The following PLEKHA5 variants were observed in gnomAD, a reference collection of about 807,000 sequenced individuals.
PLEKHA5 encodes the protein pleckstrin homology domain-containing family A member 5.
In PLEKHA5, 55 loss-of-function variants were observed where a neutral mutation model predicts 181.9. That is an observed-to-expected ratio of 0.30 (90% CI 0.24 to 0.38). PLEKHA5 has a LOEUF of 0.38. Ranked by LOEUF, PLEKHA5 falls within the 10% of genes least tolerant of loss-of-function variation. The pLI, the probability that PLEKHA5 is intolerant of heterozygous loss-of-function variation, is 1.00. For synonymous variants in PLEKHA5, 535 were observed against 529.4 expected (o/e 1.01, Z -0.15); for missense variants, 1,432 against 1,549.5 (o/e 0.92, Z 1.27).
chr12:19,225,867 A>G (rs892132177), intron 3 of PLEKHA5, among the ~76,000 whole-genome samples: 2 of 152,206 alleles, frequency 1.3e-5, no homozygotes, highest in African/African-American at 4.8e-5. Context: ...TCATCCCAGG[A>G]TATATTCAGT....
At chr12:19,208,566 A>G (rs1276960232) in intron 3 of PLEKHA5, among the ~76,000 whole-genome samples, 1 of 152,182 alleles carries the variant, frequency 6.6e-6, no homozygotes, top group Admixed American at 6.5e-5. Context: ...TGAAAAATTG[A>G]TAGTTGGATT....
At chr12:19,305,938 G>A (rs1278674699) in intron 15 of PLEKHA5, among the ~76,000 whole-genome samples, 2 of 150,918 alleles carry the variant, frequency 1.3e-5, no homozygotes, top group Non-Finnish European at 2.9e-5. Context: ...AAATTGGCTG[G>A]ACTTGGTGGC....
At chr12:19,335,560 C>T (rs1388618387) in intron 20 of PLEKHA5, among the ~76,000 whole-genome samples, 3 of 149,554 alleles carry the variant, frequency 2.0e-5, no homozygotes, top group South Asian at 2.1e-4. Flanking sequence ...GGATTACAGG[C>T]GCCTGCCACT....
chr12:19,315,276 G>A (rs1382296413), intron 16 of PLEKHA5, among the ~76,000 whole-genome samples: 1 of 151,992 alleles, frequency 6.6e-6, no homozygotes, highest in East Asian at 1.9e-4. Context: ...TACTTTCAGG[G>A]GTTGCCCTCC....
At chr12:19,359,323 G>T in intron 27 of PLEKHA5, 89 bp from the exon 28 acceptor site, 2 of 1,178,136 alleles carry the variant, frequency 1.7e-6, no homozygotes. Flanking sequence ...ATCCAGCTTT[G>T]TTCTATTTTG....
intron 3 of PLEKHA5, chr12:19,207,883 T>G (rs1022713996): frequency 6.6e-6 from 1 of 152,204 alleles, no homozygotes; most frequent in Non-Finnish European, 1.5e-5. Flanking sequence ...AAGTAAAATG[T>G]ATAATTAGTA....
chr12:19,164,951 A>G (rs1188116762), intron 3 of PLEKHA5, among the ~76,000 whole-genome samples: 2 of 151,580 alleles, frequency 1.3e-5, no homozygotes, highest in East Asian at 3.9e-4. Flanking sequence ...CCCCACCTCA[A>G]CTCCTCTGTT....
At chr12:19,190,330 T>G (rs1363626428) in intron 3 of PLEKHA5, among the ~76,000 whole-genome samples, 2 of 152,208 alleles carry the variant, frequency 1.3e-5, no homozygotes, top group Admixed American at 1.3e-4. Flanking sequence ...TGGATAAATA[T>G]TTCCTTTTTT....
rs369524128 is a variant in PLEKHA5 at position 19,345,264 on chromosome 12, G to A, written c.2663-578G>A. ...AAAATACAAAAATTAGCCATGCATG[G>A]TGGCGTGCACCTATAGTCCCAGCTG... On this transcript the variant is annotated intron_variant, in intron 22 of 31. Transcript: ENST00000429027. Among the ~76,000 whole-genome samples the A allele has an allele frequency of 1.2e-3, 177 of 151,872 alleles. 1 individual carries two copies. The South Asian group carries it at 0.012, about 11-fold the overall frequency.
In PLEKHA5 at chr12:19,254,628, C is replaced by T. The variant is rs147697092; in HGVS notation, c.312-417C>T. 8.0e-5 allele frequency among the ~76,000 whole-genome samples: 12 copies of T among 150,874 alleles called. No individual in the cohort carries two copies. In the East Asian group the frequency reaches 2.3e-3, roughly 29 times the overall value. On this transcript the variant is annotated intron_variant, in intron 4 of 31. Transcript: ENST00000429027. ...TTGAGGTCAGGCATTCAAGACCAGC[C>T]TGGCCAACATGGTGAAACCCTGACT...
chr12:19,287,614 A>G, intron 13 of PLEKHA5, 58 bp downstream of exon 13: 1 of 900,852 alleles, frequency 1.1e-6, no homozygotes, highest in South Asian at 1.5e-5. Flanking sequence ...ACAGGAAGGT[A>G]CATATCTAAC....
chr12:19,275,853 A>G (rs971087691), intron 11 of PLEKHA5, among the ~76,000 whole-genome samples: 4 of 152,162 alleles, frequency 2.6e-5, no homozygotes, highest in Non-Finnish European at 4.4e-5. Flanking sequence ...TGCAACTACT[A>G]TATGCTAATT....
chr12:19,283,547 C>T lies in PLEKHA5; in HGVS notation c.1581C>T (p.His527=), dbSNP rs1434906487. ...ACAAACAGAGCACCCTCCCTCGACA[C>T]AGTACTTTGAGTAGTCCCAAAACCA... ...FYNKQSTLPR[H]STLSSPKTMV... is the part of the protein sequence containing the mutation. Residue 527 remains histidine, a synonymous_variant, in exon 12 of 32, where the codon CAC becomes CAT. Coordinates refer to ENST00000429027, the MANE Select transcript of PLEKHA5 (RefSeq NM_001256470.2). The T allele has an allele frequency of 1.2e-6, 2 of 1,614,074 alleles. No homozygotes were observed. The highest frequency in any genetic ancestry group is 1.7e-6 in the Non-Finnish European group (2 of 1,180,018).
intron 3 of PLEKHA5, among the ~76,000 whole-genome samples, chr12:19,226,529 C>G (rs1326711997): frequency 6.6e-6 from 1 of 152,144 alleles, no homozygotes; most frequent in African/African-American, 2.4e-5. Context: ...TCCATAGCAC[C>G]TGCACCATTT....
rs180810911 is a variant in PLEKHA5, at chr12:19,364,722, C to T, written c.3609-1242C>T. Among the ~76,000 whole-genome samples the T allele has an allele frequency of 3.6e-3, 545 of 151,516 alleles. 7 individuals are homozygous for T. Among genetic ancestry groups the T allele is most frequent in the African/African-American group, 0.013 (524 of 41,390 alleles). ...TGTCGCCCAGGCTGGCGTGCAGTGG[C>T]GCAATCTTGGCTCACTGCAACCTCT... is the stretch of plus-strand genomic sequence containing the variant. On this transcript the variant is annotated intron_variant, in intron 29 of 31. Transcript: ENST00000429027.
chr12:19,180,514 G>C (rs762294677), intron 3 of PLEKHA5, among the ~76,000 whole-genome samples: 16 of 151,998 alleles, frequency 1.1e-4, no homozygotes, highest in Non-Finnish European at 2.4e-4. Context: ...GAACAATTTT[G>C]TCAGATACTG....
At chr12:19,365,310 G>A (rs1169751630) in intron 29 of PLEKHA5, among the ~76,000 whole-genome samples, 2 of 150,686 alleles carry the variant, frequency 1.3e-5, no homozygotes, top group Admixed American at 1.3e-4. Flanking sequence ...AGCTTGCAGT[G>A]AGCCTAGATC....
chr12:19,244,266 A>G (rs1453890818), intron 3 of PLEKHA5, among the ~76,000 whole-genome samples: 1 of 151,184 alleles, frequency 6.6e-6, no homozygotes, highest in African/African-American at 2.4e-5. Flanking sequence ...TTAATAGAGT[A>G]ATGAAACTAA....
At chr12:19,251,406 CA>C (rs35113109) in intron 3 of PLEKHA5, among the ~76,000 whole-genome samples, 112,661 of 124,746 alleles carry the variant, frequency 0.9, 50,991 homozygotes, top group Middle Eastern at 0.99. Context: ...AACTCTGTCT[CA>C]AAAAAAAAAA....
Sources: allele counts gnomAD v4.1 joint callset (sites outside exome capture counted in the v4.1 genomes callset), GRCh38; gene constraint gnomAD v4.1.1; transcripts MANE v1.5; gene names NCBI Gene and HGNC (gene_info 2026-07-23, HGNC 2026-07-21).